Variants in SYNE1 observed in about 807,000 individuals in gnomAD.
SYNE1 encodes nesprin-1.
In SYNE1, 616 loss-of-function variants were observed where a neutral mutation model predicts 1,111.0. The observed-to-expected ratio is 0.55, with a 90% CI of 0.52 to 0.59. The LOEUF (loss-of-function observed/expected upper bound fraction) is 0.59. Ranked by LOEUF, SYNE1 falls within the 20% of genes least tolerant of loss-of-function variation. The probability of loss-of-function intolerance (pLI) is 0.00; values close to 1 mark genes in which losing one functional copy is unlikely to be tolerated. For synonymous variants in SYNE1, 3,855 were observed against 3,825.8 expected (o/e 1.01, Z -0.28); for missense variants, 10,006 against 10,417.0 (o/e 0.96, Z 1.72).
At chr6:152,151,885 T>A in intron 134 of SYNE1, 74 bp downstream of exon 134, 9 of 1,546,520 alleles carry the variant, frequency 5.8e-6, no homozygotes, top group Non-Finnish European at 7.1e-6. Flanking sequence ...ACTGAGACTG[T>A]GTCTCAAGAC....
At chr6:152,607,186 A>G (rs6910341) in intron 3 of SYNE1, among the ~76,000 whole-genome samples, 14,970 of 150,260 alleles carry the variant, frequency 0.1, 847 homozygotes, top group African/African-American at 0.16. Context: ...GGGTTTCACC[A>G]TGTTAGCCAG....
chr6:152,627,490 T>TA (rs5880989), intron 3 of SYNE1, among the ~76,000 whole-genome samples: 66,158 of 134,308 alleles, frequency 0.49, 16,789 homozygotes, highest in African/African-American at 0.65. Flanking sequence ...ATATCTCTAC[T>TA]AAAAAAAAAA....
intron 3 of SYNE1, among the ~76,000 whole-genome samples, chr6:152,558,055 T>C (rs12201313): frequency 0.46 from 69,170 of 151,946 alleles, 16,321 homozygotes; most frequent in African/African-American, 0.53. Context: ...ACATTAATAA[T>C]ATAAAACATG....
chr6:152,224,715 G>A, intron 116 of SYNE1, 51 bp from the exon 117 acceptor site: 1 of 1,543,468 alleles, frequency 6.5e-7, no homozygotes, highest in Admixed American at 1.7e-5. Context: ...CTAGAATGAT[G>A]GAATATATAT....
rs755302313 is a variant in SYNE1, at chr6:152,407,009, T to G, written c.6723+5A>C. 6.2e-6 allele frequency: 10 copies of G among 1,613,568 alleles called. No homozygotes were observed. Among genetic ancestry groups the G allele is most frequent in the Middle Eastern group, 1.7e-4 (1 of 6,014 alleles). On this transcript the variant is annotated splice_donor_5th_base_variant and intron_variant, in intron 45 of 145. Transcript: ENST00000367255. ...AGCTGCCATATGTCAACACAGTCAA[T>G]TTACCTCAAATTCTTTAAGCAGTTC...
intron 3 of SYNE1, 133 bp from the exon 4 acceptor site, chr6:152,540,154 T>G: frequency 1.1e-6 from 1 of 901,838 alleles, no homozygotes; most frequent in Non-Finnish European, 1.8e-6. Context: ...ATTATTGTCT[T>G]GAAGGGAAAA....
intron 3 of SYNE1, among the ~76,000 whole-genome samples, chr6:152,601,679 T>C (rs1452716327): frequency 6.6e-6 from 1 of 152,192 alleles, no homozygotes; most frequent in Admixed American, 6.5e-5. Context: ...TTGAAACGCT[T>C]GCAGAATCAC....
intron 3 of SYNE1, among the ~76,000 whole-genome samples, chr6:152,541,747 C>CAAAAAAAA (rs1267855271): frequency 1.3e-4 from 8 of 60,276 alleles, no homozygotes; most frequent in East Asian, 9.0e-4. Context: ...GACTCCATCT[C>CAAAAAAAA]AAAAAAAAAA....
intron 4 of SYNE1, among the ~76,000 whole-genome samples, chr6:152,531,406 G>A: frequency 6.6e-6 from 1 of 152,146 alleles, no homozygotes; most frequent in East Asian, 1.9e-4. Context: ...AGTGGATAGT[G>A]ATCAGGTTCA....
Position 152,219,257 on chromosome 6 carries a change from G to A in SYNE1, c.21862-72C>T, listed in dbSNP as rs569292761. The A allele has an allele frequency of 1.3e-4, 175 of 1,390,204 alleles. No individual in the cohort carries two copies. In the South Asian group the frequency reaches 1.4e-3, roughly 11 times the overall value. 86.1% of individuals were successfully genotyped at this position (1,390,204 alleles called of 1,614,324 possible). ...TTATCATAAACAGCAATCGGCAAAG[G>A]GCTACACATGTAGAAACACACCATT... On this transcript the variant is annotated intron_variant, in intron 119 of 145. Coordinates refer to ENST00000367255, the MANE Select transcript of SYNE1 (RefSeq NM_182961.4).
chr6:152,441,285 A>T lies in SYNE1; in HGVS notation c.4009-15T>A. 6.3e-7 allele frequency: 1 copy of T among 1,598,688 alleles called. No homozygotes were observed. The highest frequency in any genetic ancestry group is 1.1e-5 in the South Asian group (1 of 89,494). ...CTTAATGTGACCTAAATTTGAAAAAATAAACAACAAATGGGTTACAAATGT... is the reference window on the plus strand; with the variant it reads ...CTTAATGTGACCTAAATTTGAAAAATTAAACAACAAATGGGTTACAAATGT... On this transcript the variant is annotated splice_polypyrimidine_tract_variant and intron_variant, in intron 31 of 145. Coordinates refer to ENST00000367255, the MANE Select transcript of SYNE1 (RefSeq NM_182961.4).
intron 91 of SYNE1, chr6:152,302,274 G>A (rs914155999): frequency 1.7e-5 from 11 of 646,940 alleles, no homozygotes; most frequent in East Asian, 2.7e-5. Flanking sequence ...CAAAGTGCCC[G>A]AGCCCGCGTC....
chr6:152,379,883 A>G (rs2097369775), intron 56 of SYNE1, among the ~76,000 whole-genome samples: 1 of 152,228 alleles, frequency 6.6e-6, no homozygotes, highest in Non-Finnish European at 1.5e-5. Flanking sequence ...TTCCTTTTTA[A>G]AAATTTCACT....
At position 152,409,691 on chromosome 6, in the gene SYNE1, T is replaced by C; in HGVS notation, c.6249A>G (p.Gly2083=). 2 of 1,613,690 alleles carry C rather than the reference T, an allele frequency of 1.2e-6. No homozygotes were observed. Among genetic ancestry groups the C allele is most frequent in the Non-Finnish European group, 8.5e-7 (1 of 1,179,942 alleles). ...GATATTCTCTCATTAAGTCAATAAG[T>C]CCACAGCACTGACCCTGACTGTAAT... ...LIHENQGQCC[G]LIDLMREYQN... is the part of the protein sequence containing the mutation. The change falls in exon 43 of 146, where the codon GGA becomes GGG. Residue 2083 remains glycine, a synonymous_variant. Transcript: ENST00000367255.
chr6:152,333,559 A>T (rs2096300424), intron 77 of SYNE1, among the ~76,000 whole-genome samples: 1 of 152,170 alleles, frequency 6.6e-6, no homozygotes, highest in Non-Finnish European at 1.5e-5. Context: ...TATCCATTTG[A>T]AAACGTTAGG....
intron 132 of SYNE1, 136 bp from the exon 133 acceptor site, chr6:152,155,178 C>A: frequency 1.0e-6 from 1 of 984,584 alleles, no homozygotes; most frequent in Non-Finnish European, 1.5e-6. Flanking sequence ...ATTCCTCGAG[C>A]CAAATTTGAC....
At chr6:152,463,641 CA>C (rs2098747107) in intron 18 of SYNE1, 124 bp from the exon 19 acceptor site, 1 of 876,484 alleles carries the variant, frequency 1.1e-6, no homozygotes, top group African/African-American at 1.7e-5. Flanking sequence ...AGATAAATCA[CA>C]AATCTCTTTA....
chr6:152,377,536 G>C (rs1219815742), intron 56 of SYNE1, among the ~76,000 whole-genome samples: 2 of 145,810 alleles, frequency 1.4e-5, no homozygotes, highest in Non-Finnish European at 3.0e-5. Flanking sequence ...TAGAACCTGG[G>C]AGGTGGAGGT....
chr6:152,390,069 A>T (rs950836142), intron 53 of SYNE1, among the ~76,000 whole-genome samples: 6 of 152,180 alleles, frequency 3.9e-5, no homozygotes, highest in African/African-American at 1.4e-4. Context: ...TTAAATATTT[A>T]AAAAATGCAA....
Sources: gnomAD v4.1 joint callset for allele counts (sites outside exome capture counted in the v4.1 genomes callset) on GRCh38, gnomAD v4.1.1 for gene constraint, MANE v1.5 for transcripts, NCBI Gene and HGNC (gene_info 2026-07-23, HGNC 2026-07-21) for gene names.